TRIP13: variants seen among roughly 807,000 people sequenced by gnomAD.
The protein encoded by TRIP13 is pachytene checkpoint protein 2 homolog.
In TRIP13, 25 loss-of-function variants were observed where a neutral mutation model predicts 54.4. The observed-to-expected ratio is 0.46, with a 90% CI of 0.33 to 0.64. The LOEUF (loss-of-function observed/expected upper bound fraction) is 0.64, where lower values mean the gene tolerates loss of function less well. Ranked by LOEUF, TRIP13 falls within the 30% of genes least tolerant of loss-of-function variation. The probability of loss-of-function intolerance (pLI) is 0.02; values close to 1 mark genes in which losing one functional copy is unlikely to be tolerated. For synonymous variants in TRIP13, 207 were observed against 207.8 expected (o/e 1.00, Z 0.03); for missense variants, 373 against 534.2 (o/e 0.70, Z 2.97).
At chr5:906,226 G>T (rs897864125) in intron 6 of TRIP13, among the ~76,000 whole-genome samples, 2 of 152,150 alleles carry the variant, frequency 1.3e-5, no homozygotes, top group Admixed American at 6.5e-5. Context: ...GGCAGAGAGG[G>T]CAACACAAGA....
In TRIP13 at chr5:912,629, G is replaced by A. The variant is rs1321654091; in HGVS notation, c.1020+633G>A. On this transcript the variant is annotated intron_variant, in intron 10 of 12. Transcript: ENST00000166345. The surrounding 1 kb of genome is among the most constrained non-coding windows in gnomAD (Gnocchi z 7.2). ...TGTGAGTCAGGAGGGCCGTCGCCAC[G>A]GGCACAATGACATGTGCGGTGAGTG... is the stretch of plus-strand genomic sequence containing the variant. Among the ~76,000 whole-genome samples, 2 of 149,492 alleles carry A rather than the reference G, an allele frequency of 1.3e-5. No homozygotes were observed. The highest frequency in any genetic ancestry group is 3.0e-5 in the Non-Finnish European group (2 of 67,504).
Position 913,866 on chromosome 5 carries a change from A to G in TRIP13, c.1021-599A>G, listed in dbSNP as rs1388641250. ...TTGTTCCTGAGTCAGAACGGTTCGT[A>G]TTAGAATTCAGTCATAGTAAGTCAG... On this transcript the variant is annotated intron_variant, in intron 10 of 12. Coordinates refer to ENST00000166345, the MANE Select transcript of TRIP13 (RefSeq NM_004237.4). The surrounding 1 kb of genome is among the most constrained non-coding windows in gnomAD (Gnocchi z 4.5). 6.6e-6 allele frequency among the ~76,000 whole-genome samples: 1 copy of G among 152,154 alleles called. No individual in the cohort carries two copies. The highest frequency in any genetic ancestry group is 6.5e-5 in the Admixed American group (1 of 15,278).
At position 911,733 on chromosome 5, in the gene TRIP13, T is replaced by C. The variant is rs1754236723; in HGVS notation, c.867-110T>C. On this transcript the variant is annotated intron_variant, in intron 9 of 12. Coordinates refer to ENST00000166345, the MANE Select transcript of TRIP13 (RefSeq NM_004237.4). The surrounding 1 kb of genome is among the most constrained non-coding windows in gnomAD (Gnocchi z 4.7). The stretch of plus-strand genomic sequence containing the variant: ...GGCACAAGGCCACTTTCCTTCCTGT[T>C]GGCAGCCTGCTGGCCATCGTCCTGC... 7.1e-7 allele frequency: 1 copy of C among 1,402,894 alleles called. No homozygotes were observed. Among genetic ancestry groups the C allele is most frequent in the Non-Finnish European group, 9.5e-7 (1 of 1,053,032 alleles). The allele number at this position is 1,402,894 out of a possible 1,614,324, so 86.9% of individuals were successfully genotyped here.
intron 1 of TRIP13, 56 bp downstream of exon 1, chr5:893,146 G>T: frequency 7.8e-7 from 1 of 1,286,510 alleles, no homozygotes; most frequent in South Asian, 1.3e-5. Context: ...CGACCCCAGC[G>T]CGTGCACCGA....
chr5:900,585 AT>A (rs1192439738), intron 4 of TRIP13, 36 bp downstream of exon 4: 1 of 1,605,238 alleles, frequency 6.2e-7, no homozygotes, highest in Non-Finnish European at 8.5e-7. Flanking sequence ...ATGCCCTGTT[AT>A]TTGAAGAGGA....
chr5:915,886 T>C lies in TRIP13; in HGVS notation c.1134-18T>C. The C allele has an allele frequency of 6.2e-7, 1 of 1,614,016 alleles. No homozygotes were observed. Among genetic ancestry groups the C allele is most frequent in the South Asian group, 1.1e-5 (1 of 91,082 alleles). ...ATTGTATAAATTGCTGTCTCTGAAC[T>C]GGGTTTTCTTTACACAGGAAGAGCG... On this transcript the variant is annotated intron_variant, in intron 11 of 12. Coordinates refer to ENST00000166345, the MANE Select transcript of TRIP13 (RefSeq NM_004237.4). This position sits in a 1 kb window ranked among gnomAD's most constrained non-coding sequence, Gnocchi z 4.2.
Position 900,133 on chromosome 5 carries a change from G to T in TRIP13, c.389-361G>T, listed in dbSNP as rs193249050. Among the ~76,000 whole-genome samples, 7 of 152,360 alleles carry T rather than the reference G, an allele frequency of 4.6e-5. No individual in the cohort carries two copies. In the East Asian group the frequency reaches 5.8e-4, roughly 13 times the overall value. On this transcript the variant is annotated intron_variant, in intron 3 of 12. Transcript: ENST00000166345. The stretch of plus-strand genomic sequence containing the variant: ...TAGTTTAATGAAAACATATTGTGGG[G>T]ATTATGTTATACGTCAATGGAAAAT...
Position 894,921 on chromosome 5 carries a change from T to C in TRIP13, c.227T>C (p.Ile76Thr), listed in dbSNP as rs1479511479. ...AGAAATGTGCAGTCTGTGTCTATTA[T>C]TGACACAGAATTAAAGGTTAAAGAC... The part of the protein sequence containing the change: ...LTRNVQSVSI[I>T]DTELKVKDSQ... The change falls in exon 2 of 13, where the codon ATT becomes ACT. Residue 76 changes from isoleucine (I) to threonine (T), a missense_variant. Transcript: ENST00000166345. 2 of 1,612,626 alleles carry C rather than the reference T, an allele frequency of 1.2e-6. No individual in the cohort carries two copies. The highest frequency in any genetic ancestry group is 1.3e-5 in the African/African-American group (1 of 74,908).
At position 917,344 on chromosome 5, in the gene TRIP13, G is replaced by C. The variant is rs186214836; in HGVS notation, c.*241G>C. The C allele has an allele frequency of 2.4e-6, 1 of 422,674 alleles. No homozygotes were observed. Among genetic ancestry groups the C allele is most frequent in the African/African-American group, 2.0e-5 (1 of 48,812 alleles). 26.2% of individuals were successfully genotyped at this position (422,674 alleles called of 1,614,324 possible). Reference sequence around the variant, plus strand: ...TTCACTGTTTGTAAAAGATAATTCAGATTGTTTGTCTCCTTGTGAAGAACC... The same window carrying C: ...TTCACTGTTTGTAAAAGATAATTCACATTGTTTGTCTCCTTGTGAAGAACC... On this transcript the variant is annotated 3_prime_UTR_variant, in exon 13 of 13. Coordinates refer to ENST00000166345, the MANE Select transcript of TRIP13 (RefSeq NM_004237.4).
Position 907,256 on chromosome 5 carries a change from T to C in TRIP13, c.672+63T>C. 1 of 1,423,496 alleles carries C rather than the reference T, an allele frequency of 7.0e-7. No homozygotes were observed. Among genetic ancestry groups the C allele is most frequent in the Non-Finnish European group, 9.9e-7 (1 of 1,014,768 alleles). 88.2% of individuals were successfully genotyped at this position (1,423,496 alleles called of 1,614,324 possible). On this transcript the variant is annotated intron_variant, in intron 7 of 12. Coordinates refer to ENST00000166345, the MANE Select transcript of TRIP13 (RefSeq NM_004237.4). This position sits in a 1 kb window ranked among gnomAD's most constrained non-coding sequence, Gnocchi z 4.1. Reference sequence around the variant, plus strand: ...ATAGCTGAAAAAATGTCTTGTATGTTAGGCAAATCCTCCTCCAGAAGCTTC... The same window carrying C: ...ATAGCTGAAAAAATGTCTTGTATGTCAGGCAAATCCTCCTCCAGAAGCTTC...
chr5:901,941 C>T (rs960424958), intron 5 of TRIP13, among the ~76,000 whole-genome samples: 2 of 152,204 alleles, frequency 1.3e-5, no homozygotes, highest in African/African-American at 2.4e-5. Context: ...ATTGATTACT[C>T]GGCACTTAAT....
At position 915,583 on chromosome 5, in the gene TRIP13, C is replaced by T. The variant is rs1560951328; in HGVS notation, c.1134-321C>T. ...GGCTCCCGGGCAGGTGATGCCTTCC[C>T]TGAGCACAAGGATGCTGGCCCTGGG... On this transcript the variant is annotated intron_variant, in intron 11 of 12. Coordinates refer to ENST00000166345, the MANE Select transcript of TRIP13 (RefSeq NM_004237.4). This position sits in a 1 kb window ranked among gnomAD's most constrained non-coding sequence, Gnocchi z 4.2. 6.6e-6 allele frequency among the ~76,000 whole-genome samples: 1 copy of T among 151,308 alleles called. No homozygotes were observed. The highest frequency in any genetic ancestry group is 1.9e-4 in the East Asian group (1 of 5,172).
intron 1 of TRIP13, chr5:893,530 G>T: frequency 5.1e-6 from 1 of 195,584 alleles, no homozygotes; most frequent in South Asian, 7.3e-5. Context: ...CCCTTTAATT[G>T]TTCCCGTTCC....
Position 908,127 on chromosome 5 carries a change from G to T in TRIP13, c.759+53G>T, listed in dbSNP as rs1294077025. On this transcript the variant is annotated intron_variant, in intron 8 of 12. Coordinates refer to ENST00000166345, the MANE Select transcript of TRIP13 (RefSeq NM_004237.4). This position sits in a 1 kb window ranked among gnomAD's most constrained non-coding sequence, Gnocchi z 5.2. ...TGACAGAATCGCCTTTTGCCATTGT[G>T]GGGACACAGCCTACTCCTGATGCTC... is the stretch of plus-strand genomic sequence containing the variant. The T allele has an allele frequency of 2.5e-6, 4 of 1,594,692 alleles. No homozygotes were observed. Among genetic ancestry groups the T allele is most frequent in the Non-Finnish European group, 3.4e-6 (4 of 1,162,488 alleles).
At position 907,966 on chromosome 5, in the gene TRIP13, T is replaced by C. The variant is rs1754150608; in HGVS notation, c.673-22T>C. 4 of 1,613,806 alleles carry C rather than the reference T, an allele frequency of 2.5e-6. No individual in the cohort carries two copies. The highest frequency in any genetic ancestry group is 3.4e-6 in the Non-Finnish European group (4 of 1,179,796). ...CAGTGTGGTCCCTGCACGTTGACAC[T>C]AAAAGGGTGTTTGGGTTCCAGAGTG... is the stretch of plus-strand genomic sequence containing the variant. On this transcript the variant is annotated intron_variant, in intron 7 of 12. Transcript: ENST00000166345. This position sits in a 1 kb window ranked among gnomAD's most constrained non-coding sequence, Gnocchi z 4.1.
rs60132887 is a variant in TRIP13 at position 916,775 on chromosome 5, T to G, written c.1204-233T>G. On this transcript the variant is annotated intron_variant, in intron 12 of 12. Transcript: ENST00000166345. ...CCACCCCCGCAGCTGTTTCTGACAT[T>G]CAGGACATGGCGGGGGCGGGGGTCA... Among the ~76,000 whole-genome samples the G allele has an allele frequency of 0.081, 12,314 of 151,950 alleles. 719 individuals carry two copies. Among genetic ancestry groups the G allele is most frequent in the African/African-American group, 0.17 (6,906 of 41,264 alleles).
intron 5 of TRIP13, among the ~76,000 whole-genome samples, chr5:902,550 A>G (rs1210594897): frequency 6.6e-6 from 1 of 152,136 alleles, no homozygotes; most frequent in East Asian, 1.9e-4. Context: ...TCCTTTTTCC[A>G]TATTGGTCAC....
In TRIP13 at chr5:912,624, G is replaced by A. The variant is rs1297335215; in HGVS notation, c.1020+628G>A. Among the ~76,000 whole-genome samples, 1 of 151,030 alleles carries A rather than the reference G, an allele frequency of 6.6e-6. No homozygotes were observed. Among genetic ancestry groups the A allele is most frequent in the Non-Finnish European group, 1.5e-5 (1 of 67,794 alleles). ...GTGAGTGTGAGTCAGGAGGGCCGTC[G>A]CCACGGGCACAATGACATGTGCGGT... On this transcript the variant is annotated intron_variant, in intron 10 of 12. Transcript: ENST00000166345. The surrounding 1 kb of genome is among the most constrained non-coding windows in gnomAD (Gnocchi z 7.2).
At chr5:910,104 T>C (rs1022816666) in intron 9 of TRIP13, among the ~76,000 whole-genome samples, 1 of 152,230 alleles carries the variant, frequency 6.6e-6, no homozygotes, top group African/African-American at 2.4e-5. Flanking sequence ...TCTCCTCTTG[T>C]CCACTTCCTT....
Sources: gnomAD v4.1 joint callset for allele counts (sites outside exome capture counted in the v4.1 genomes callset) on GRCh38, gnomAD v4.1.1 for gene constraint, Gnocchi (gnomAD v3.1) non-coding constraint, MANE v1.5 for transcripts, NCBI Gene and HGNC (gene_info 2026-07-23, HGNC 2026-07-21) for gene names.